The following CDKL4 variants were observed in gnomAD, a reference collection of about 807,000 sequenced individuals.
CDKL4 encodes the protein cyclin-dependent kinase-like 4.
CDKL4 carries 44 observed loss-of-function variants against 42.0 expected under a neutral mutation model. The observed-to-expected ratio is 1.05, with a 90% confidence interval of 0.82 to 1.35. The LOEUF (loss-of-function observed/expected upper bound fraction) is 1.35, where lower values mean the gene tolerates loss of function less well. Ranked by LOEUF, CDKL4 falls within the 40% of genes most tolerant of loss-of-function variation. CDKL4 has a pLI of 0.00. For missense variants in CDKL4, 393 were observed against 369.9 expected (o/e 1.06, Z -0.51); for synonymous variants, 120 against 121.6 (o/e 0.99, Z 0.09).
At chr2:39,226,467 A>T (rs930778073) in intron 2 of CDKL4, among the ~76,000 whole-genome samples, 4 of 96,906 alleles carry the variant, frequency 4.1e-5, no homozygotes, top group African/African-American at 1.1e-4. Flanking sequence ...TATATATATT[A>T]TATATATATA....
At chr2:39,196,887 G>A (rs1029775743) in intron 5 of CDKL4, among the ~76,000 whole-genome samples, 3 of 152,180 alleles carry the variant, frequency 2.0e-5, no homozygotes, top group African/African-American at 4.8e-5. Context: ...GATTACAGGC[G>A]TAAGCCACTG....
chr2:39,211,677 C>T (rs1229863624), intron 4 of CDKL4, among the ~76,000 whole-genome samples: 1 of 151,586 alleles, frequency 6.6e-6, no homozygotes, highest in Non-Finnish European at 1.5e-5. Flanking sequence ...GAAGGAATAA[C>T]AGAATTAGAA....
rs201395955 is a variant in CDKL4, at chr2:39,225,972, T to C, written c.169-12A>G. On this transcript the variant is annotated splice_polypyrimidine_tract_variant and intron_variant, in intron 2 of 9. Transcript: ENST00000451199. ...GGATGTTTTAATTGCTGTGAAAGAATTGAAATGCAAAGTTAAGTGATCTGT... is the reference window on the plus strand; with the variant it reads ...GGATGTTTTAATTGCTGTGAAAGAACTGAAATGCAAAGTTAAGTGATCTGT... 9.1e-5 allele frequency: 146 copies of C among 1,606,034 alleles called. No individual in the cohort carries two copies. Among genetic ancestry groups the C allele is most frequent in the South Asian group, 5.6e-5 (5 of 89,638 alleles).
downstream of CDKL4, among the ~76,000 whole-genome samples, chr2:39,172,519 A>G (rs1458043139): frequency 6.6e-6 from 1 of 152,184 alleles, no homozygotes; most frequent in Non-Finnish European, 1.5e-5. Context: ...CAGCAATGCT[A>G]TGCTGTGGCC....
intron 3 of CDKL4, among the ~76,000 whole-genome samples, chr2:39,221,967 TTCA>T (rs1190686459): frequency 3.9e-5 from 6 of 152,246 alleles, no homozygotes; most frequent in African/African-American, 1.4e-4. Flanking sequence ...TATCTGTCTC[TTCA>T]TCACATTTTA....
rs114874779 is a variant in CDKL4, at chr2:39,204,513, A to G, written c.454+14T>C. On this transcript the variant is annotated intron_variant, in intron 5 of 9. Coordinates refer to ENST00000451199, the Ensembl canonical transcript of CDKL4. ...CATCTGAACTGGGTATTAGTAAAAA[A>G]AATTGCTACTTACTCAGAATTTGTG... 1 of 1,525,878 alleles carries G rather than the reference A, an allele frequency of 6.6e-7. No homozygotes were observed. Among genetic ancestry groups the G allele is most frequent in the South Asian group, 1.1e-5 (1 of 88,418 alleles). The allele number at this position is 1,525,878 out of a possible 1,614,324, so 94.5% of individuals were successfully genotyped here. A position where few individuals can be genotyped will look rare whatever the true frequency, so the allele number is the denominator to read the frequency against.
At chr2:39,244,600 G>A (rs1679828122), upstream of CDKL4, among the ~76,000 whole-genome samples, 1 of 152,214 alleles carries the variant, frequency 6.6e-6, no homozygotes, top group Non-Finnish European at 1.5e-5. Flanking sequence ...TTCCCGACGA[G>A]TGCCACCCCC....
intron 1 of CDKL4, among the ~76,000 whole-genome samples, chr2:39,238,600 T>A (rs944958263): frequency 6.6e-6 from 1 of 152,202 alleles, no homozygotes; most frequent in Non-Finnish European, 1.5e-5. Context: ...ATATTAAAAA[T>A]TTATCTTAAA....
At chr2:39,225,366 C>T (rs1237385246) in intron 3 of CDKL4, among the ~76,000 whole-genome samples, 2 of 151,154 alleles carry the variant, frequency 1.3e-5, no homozygotes, top group African/African-American at 4.9e-5. Flanking sequence ...GATCGCGCCA[C>T]TGCACTCCAG....
intron 7 of CDKL4, among the ~76,000 whole-genome samples, chr2:39,185,139 T>C (rs1392319454): frequency 5.2e-5 from 7 of 133,508 alleles, no homozygotes; most frequent in Non-Finnish European, 9.8e-5. Flanking sequence ...TATATATACA[T>C]ATATATGTGT....
chr2:39,185,954 G>A lies in CDKL4; in HGVS notation c.736-1307C>T, dbSNP rs905309619. Among the ~76,000 whole-genome samples the A allele has an allele frequency of 6.4e-4, 98 of 152,114 alleles. 1 individual carries two copies. Among genetic ancestry groups the A allele is most frequent in the African/African-American group, 2.3e-3 (95 of 41,486 alleles). ...AAATCTGTGCCTGATCTACTTCTAA[G>A]GATGCTTTTGAGTATTCATGAAAAT... On this transcript the variant is annotated intron_variant, in intron 7 of 9. Coordinates refer to ENST00000451199, the Ensembl canonical transcript of CDKL4.
chr2:39,229,725 A>G (rs1399373777), intron 1 of CDKL4, 137 bp from the exon 2 acceptor site: 1 of 452,554 alleles, frequency 2.2e-6, no homozygotes, highest in Non-Finnish European at 3.8e-6. Context: ...ATATTTGGAT[A>G]TTATTTTGTT....
chr2:39,244,192 A>G (rs540089406), upstream of CDKL4, among the ~76,000 whole-genome samples: 131 of 152,334 alleles, frequency 8.6e-4, no homozygotes, highest in African/African-American at 3.1e-3. Flanking sequence ...GGAGCCCTTC[A>G]GCCCACCGCT....
intron 5 of CDKL4, among the ~76,000 whole-genome samples, chr2:39,191,214 C>T (rs747380215): frequency 7.9e-5 from 12 of 152,076 alleles, no homozygotes; most frequent in Non-Finnish European, 1.5e-4. Context: ...GCCTGGGCAA[C>T]ATGGCAAAAC....
chr2:39,237,249 A>T (rs1443025356), intron 1 of CDKL4, among the ~76,000 whole-genome samples: 1 of 152,222 alleles, frequency 6.6e-6, no homozygotes, highest in Non-Finnish European at 1.5e-5. Context: ...AGTGGATTTA[A>T]TACTGAAAAT....
At chr2:39,178,031 A>G (rs139687351) in intron 9 of CDKL4, among the ~76,000 whole-genome samples, 53 of 152,290 alleles carry the variant, frequency 3.5e-4, no homozygotes, top group African/African-American at 1.1e-3. Flanking sequence ...CACAATTCAC[A>G]CTGTCTTTCA....
intron 4 of CDKL4, among the ~76,000 whole-genome samples, chr2:39,208,390 G>C (rs1039467976): frequency 6.6e-6 from 1 of 151,858 alleles, no homozygotes; most frequent in Admixed American, 6.6e-5. Flanking sequence ...GCTCAGGCTG[G>C]AGTGCAGTGG....
intron 2 of CDKL4, 83 bp downstream of exon 2, chr2:39,229,282 A>G: frequency 9.6e-7 from 1 of 1,037,444 alleles, no homozygotes; most frequent in South Asian, 1.7e-5. Context: ...TGGGGGGAAA[A>G]TAACTTTAAA....
At chr2:39,214,802 A>T (rs1677815090) in intron 3 of CDKL4, among the ~76,000 whole-genome samples, 1 of 152,198 alleles carries the variant, frequency 6.6e-6, no homozygotes, top group Non-Finnish European at 1.5e-5. Flanking sequence ...GAGAATAAGG[A>T]TCCCATAAGA....
Sources: gnomAD v4.1 joint callset for allele counts (sites outside exome capture counted in the v4.1 genomes callset) on GRCh38, gnomAD v4.1.1 for gene constraint, MANE v1.5 for transcripts, NCBI Gene and HGNC (gene_info 2026-07-23, HGNC 2026-07-21) for gene names.